The following KIAA1217 variants were observed in gnomAD, a reference collection of about 807,000 sequenced individuals.
KIAA1217 encodes the protein sickle tail protein homolog.
KIAA1217 carries 88 observed loss-of-function variants against 163.9 expected under a neutral mutation model. That is an observed-to-expected ratio of 0.54 (90% CI 0.45 to 0.64). The LOEUF is 0.64. KIAA1217 is among the 30% of genes least tolerant of loss of function. The pLI is 0.00. For missense variants in KIAA1217, 2,372 were observed against 2,475.0 expected, an observed-to-expected ratio of 0.96 and a Z score of 0.88; for synonymous variants, 903 against 923.1, an observed-to-expected ratio of 0.98 and a Z score of 0.39.
intron 2 of KIAA1217, among the ~76,000 whole-genome samples, chr10:24,337,860 G>T (rs1318934759): frequency 6.6e-6 from 1 of 151,832 alleles, no homozygotes; most frequent in South Asian, 2.1e-4. Flanking sequence ...GGCCAGGCAG[G>T]TCTTGAACTC....
intron 2 of KIAA1217, among the ~76,000 whole-genome samples, chr10:24,008,158 TTAGA>T (rs60229610): frequency 0.32 from 46,868 of 148,184 alleles, 7,425 homozygotes; most frequent in African/African-American, 0.32. Flanking sequence ...AGGTAGGAAA[TTAGA>T]TAGATAGATA....
chr10:24,440,322 C>G (rs930471923), intron 5 of KIAA1217, among the ~76,000 whole-genome samples: 1 of 152,210 alleles, frequency 6.6e-6, no homozygotes, highest in Non-Finnish European at 1.5e-5. Flanking sequence ...CTGTTATTCT[C>G]TTTCTTGGAG....
chr10:24,225,175 G>C (rs2070342858), intron 2 of KIAA1217, among the ~76,000 whole-genome samples: 1 of 152,094 alleles, frequency 6.6e-6, no homozygotes, highest in Non-Finnish European at 1.5e-5. Flanking sequence ...CTCTTGTTTA[G>C]AGTGCAGTGG....
chr10:24,432,070 A>G (rs997135159), intron 3 of KIAA1217, among the ~76,000 whole-genome samples: 34 of 149,892 alleles, frequency 2.3e-4, no homozygotes, highest in African/African-American at 8.4e-4. Flanking sequence ...AAATCACTCT[A>G]TGAGGTCAGA....
chr10:24,329,400 A>G (rs1328912179), intron 2 of KIAA1217, among the ~76,000 whole-genome samples: 3 of 151,956 alleles, frequency 2.0e-5, no homozygotes, highest in Non-Finnish European at 4.4e-5. Context: ...ATACTTAATT[A>G]ATACAAAATC....
chr10:24,023,953 G>A (rs1847840030), intron 2 of KIAA1217, among the ~76,000 whole-genome samples: 1 of 151,408 alleles, frequency 6.6e-6, no homozygotes, highest in African/African-American at 2.4e-5. Context: ...AGGTTCCAAG[G>A]TGAGGGGACG....
intron 2 of KIAA1217, among the ~76,000 whole-genome samples, chr10:24,041,411 GT>G (rs1302644769): frequency 6.6e-6 from 1 of 152,106 alleles, no homozygotes; most frequent in East Asian, 1.9e-4. Context: ...CATGACTATT[GT>G]TTTTTGTAAA....
At chr10:23,947,238 A>G (rs1844096327) in intron 1 of KIAA1217, among the ~76,000 whole-genome samples, 1 of 152,228 alleles carries the variant, frequency 6.6e-6, no homozygotes, top group Non-Finnish European at 1.5e-5. Flanking sequence ...GAATGTTTAT[A>G]ACATGAGAAT....
chr10:24,228,040 A>C (rs1329268584), intron 2 of KIAA1217, among the ~76,000 whole-genome samples: 2 of 152,056 alleles, frequency 1.3e-5, no homozygotes, highest in Non-Finnish European at 2.9e-5. Context: ...ACACCTAGGG[A>C]GGCTGAGGTG....
chr10:23,939,551 AT>A (rs1843668779), intron 1 of KIAA1217, among the ~76,000 whole-genome samples: 1 of 152,054 alleles, frequency 6.6e-6, no homozygotes, highest in Non-Finnish European at 1.5e-5. Flanking sequence ...ATAAAATATA[AT>A]TTATTTTTAA....
intron 1 of KIAA1217, among the ~76,000 whole-genome samples, chr10:23,757,967 A>G (rs1331196501): frequency 6.6e-6 from 1 of 152,136 alleles, no homozygotes; most frequent in African/African-American, 2.4e-5. Flanking sequence ...CCTTAAATAG[A>G]CGTATGATTT....
Position 23,808,851 on chromosome 10 carries a change from ACT to A in KIAA1217, c.-321+113619_-321+113620del, listed in dbSNP as rs1836858856. 3.3e-5 allele frequency among the ~76,000 whole-genome samples: 5 copies of A among 152,162 alleles called. No homozygotes were observed. In the South Asian group the frequency reaches 1.0e-3, roughly 32 times the overall value. On this transcript the variant is annotated intron_variant, in intron 1 of 18. Transcript: ENST00000376462. Reference sequence around the variant, plus strand: ...AGTAGATAATAAAATAAAAATATAAACTCACCCAAGACCTACAACTGTGAAAA... The same window carrying A: ...AGTAGATAATAAAATAAAAATATAAACACCCAAGACCTACAACTGTGAAAA...
chr10:24,034,230 C>T (rs1379148343), intron 2 of KIAA1217, among the ~76,000 whole-genome samples: 1 of 152,070 alleles, frequency 6.6e-6, no homozygotes, highest in Non-Finnish European at 1.5e-5. Context: ...GATTACATAA[C>T]AAGTGGGGGT....
intron 1 of KIAA1217, among the ~76,000 whole-genome samples, chr10:23,950,012 C>T (rs1241510759): frequency 1.3e-5 from 2 of 152,152 alleles, no homozygotes; most frequent in South Asian, 2.1e-4. Flanking sequence ...TCATCTCAAG[C>T]GTAGATTAAT....
intron 1 of KIAA1217, among the ~76,000 whole-genome samples, chr10:23,951,095 T>A (rs1247319005): frequency 6.6e-6 from 1 of 152,124 alleles, no homozygotes. Context: ...AAGGCAGTAC[T>A]GTGAGAACAG....
At chr10:24,293,150 A>C (rs371450) in intron 2 of KIAA1217, among the ~76,000 whole-genome samples, 152,082 of 152,336 alleles carry the variant, frequency 1, 75,921 homozygotes, top group Middle Eastern at 1. Context: ...TCAAGCAGTT[A>C]TTTTGCCTCA....
chr10:23,800,266 A>AG (rs1836408587), intron 1 of KIAA1217, among the ~76,000 whole-genome samples: 1 of 152,204 alleles, frequency 6.6e-6, no homozygotes. Context: ...AGTGGATTTG[A>AG]GGGGGTTCAT....
Position 24,219,800 on chromosome 10 carries a change from A to G in KIAA1217, c.245A>G (p.Gln82Arg). Residue 82 changes from glutamine to arginine, a missense_variant, in exon 2 of 21, where the codon CAA becomes CGA. Gln to Arg is a conservative substitution (Grantham distance 43). Coordinates refer to ENST00000376454, the MANE Select transcript of KIAA1217 (RefSeq NM_019590.5). ...AGTTCCAAGGAAATACTGGGAATGC[A>G]AACATCTGAGATGGATCGGAAGAGA... Reference protein sequence around the residue: ...PRSSKEILGMQTSEMDRKREA... With the variant: ...PRSSKEILGMRTSEMDRKREA... 6.2e-7 allele frequency: 1 copy of G among 1,614,012 alleles called. No homozygotes were observed. Among genetic ancestry groups the G allele is most frequent in the Non-Finnish European group, 8.5e-7 (1 of 1,179,946 alleles).
chr10:23,910,004 G>A (rs1842361049), intron 1 of KIAA1217, among the ~76,000 whole-genome samples: 1 of 152,116 alleles, frequency 6.6e-6, no homozygotes, highest in African/African-American at 2.4e-5. Flanking sequence ...GGCATGAGAT[G>A]GTATCTCATT....
Sources: allele counts gnomAD v4.1 joint callset (sites outside exome capture counted in the v4.1 genomes callset), GRCh38; gene constraint gnomAD v4.1.1; transcripts MANE v1.5; gene names NCBI Gene and HGNC (gene_info 2026-07-23, HGNC 2026-07-21).